The following TAP2 variants were observed in gnomAD, a reference collection of about 807,000 sequenced individuals.
TAP2 encodes the protein transporter 2, ATP binding cassette subfamily B member.
A neutral mutation model predicts 74.7 loss-of-function variants in TAP2; 49 were observed. The ratio of observed to expected loss-of-function variants is 0.66; its 90% CI spans 0.52 to 0.83. The LOEUF (loss-of-function observed/expected upper bound fraction) is 0.83, where lower values mean the gene tolerates loss of function less well. Ranked by LOEUF, TAP2 falls within the 40% of genes least tolerant of loss-of-function variation. The pLI, the probability that TAP2 is intolerant of heterozygous loss-of-function variation, is 0.00. For missense variants in TAP2, 739 were observed against 859.0 expected, an observed-to-expected ratio of 0.86 and a Z score of 1.75; for synonymous variants, 306 against 368.4, an observed-to-expected ratio of 0.83 and a Z score of 1.94.
intron 3 of TAP2, among the ~76,000 whole-genome samples, chr6:32,837,218 G>T (rs766168005): frequency 5.3e-5 from 8 of 152,154 alleles, no homozygotes; most frequent in Non-Finnish European, 1.2e-4. Flanking sequence ...GAGGCAGAAA[G>T]AAATGGAATT....
chr6:32,837,158 G>C (rs1201515189), intron 3 of TAP2, among the ~76,000 whole-genome samples: 2 of 152,160 alleles, frequency 1.3e-5, no homozygotes, highest in East Asian at 1.9e-4. Flanking sequence ...CATCCTGAGG[G>C]AGTGACCCTG....
At chr6:32,829,127 G>A (rs1768868566) in intron 11 of TAP2, 93 bp from the exon 12 acceptor site, 24 of 1,510,860 alleles carry the variant, frequency 1.6e-5, no homozygotes, top group Non-Finnish European at 1.9e-5. Flanking sequence ...GGGTAAAGAA[G>A]GTGTGAAATA....
downstream of TAP2, among the ~76,000 whole-genome samples, chr6:32,823,136 C>T (rs993052786): frequency 2.6e-5 from 4 of 151,842 alleles, no homozygotes; most frequent in African/African-American, 9.7e-5. Context: ...GCCAGGCTGC[C>T]CTCGAAATCC....
rs1209256910 is a variant in TAP2, at chr6:32,827,680, T to C, written c.*1226A>G. On this transcript the variant is annotated 3_prime_UTR_variant, in exon 12 of 12. Coordinates refer to ENST00000374897, the MANE Select transcript of TAP2 (RefSeq NM_001290043.2). ...ACAAAGGTGTTGGGGAAGGCAGAAG[T>C]TTGTCGTGGAGCTGGATACAACAGG... 2.2e-6 allele frequency: 2 copies of C among 925,942 alleles called. No homozygotes were observed. The highest frequency in any genetic ancestry group is 2.6e-6 in the Non-Finnish European group (2 of 776,796). The allele number at this position is 925,942 out of a possible 1,614,324, so 57.4% of individuals were successfully genotyped here.
chr6:32,833,454 A>C (rs1769222037), intron 5 of TAP2, among the ~76,000 whole-genome samples: 1 of 152,236 alleles, frequency 6.6e-6, no homozygotes, highest in Non-Finnish European at 1.5e-5. Flanking sequence ...CTTAAAAAAA[A>C]ATCAGAAAAT....
Position 32,837,916 on chromosome 6 carries a change from G to A in TAP2, c.318C>T (p.Tyr106=), listed in dbSNP as rs1769529799. The A allele has an allele frequency of 1.2e-6, 2 of 1,612,772 alleles. No individual in the cohort carries two copies. The highest frequency in any genetic ancestry group is 1.7e-5 in the Admixed American group (1 of 59,980). Residue 106 remains tyrosine (Y), a synonymous_variant, in exon 2 of 12, where the codon TAC becomes TAT. Coordinates refer to ENST00000374897, the MANE Select transcript of TAP2 (RefSeq NM_001290043.2). ...SAPWSWLLVG[Y]GAAGLSWSLW... is the part of the protein sequence containing the mutation. ...GTGACCAGCTGAGCCCCGCAGCCCC[G>A]TACCCCACCAGCAGCCAGCTCCAAG...
chr6:32,830,257 C>T lies in TAP2; in HGVS notation c.1635+10G>A. 1 of 1,613,114 alleles carries T rather than the reference C, an allele frequency of 6.2e-7. No homozygotes were observed. Among genetic ancestry groups the T allele is most frequent in the Non-Finnish European group, 8.5e-7 (1 of 1,180,016 alleles). ...CTCTCCTGTCCCCTGTCTTCTCCCT[C>T]CTCACCCACCTGGCTGTGCAGGTAG... On this transcript the variant is annotated intron_variant, in intron 9 of 11. Coordinates refer to ENST00000374897, the MANE Select transcript of TAP2 (RefSeq NM_001290043.2).
Position 32,835,179 on chromosome 6 carries a change from T to A in TAP2, c.920A>T (p.Glu307Val). Residue 307 changes from glutamate (E) to valine (V), a missense_variant, in exon 5 of 12, where the codon GAG (glutamate) becomes GTG (valine). Coordinates refer to ENST00000374897, the MANE Select transcript of TAP2 (RefSeq NM_001290043.2). This position sits in a 1 kb window ranked among gnomAD's most constrained non-coding sequence, Gnocchi z 4.0. ...CTGATGGCGGGTGTTGTACACCTTC[T>A]CCGCTGCTATTGTGAAGGGCATGTG... The part of the protein sequence containing the change: ...LLHMPFTIAA[E>V]KVYNTRHQEV... 1.9e-6 allele frequency: 3 copies of A among 1,612,886 alleles called. No individual in the cohort carries two copies. The South Asian group carries it at 3.3e-5, about 18-fold the overall frequency.
chr6:32,832,595 G>A lies in TAP2; in HGVS notation c.1143+32C>T. 2 of 1,612,974 alleles carry A rather than the reference G, an allele frequency of 1.2e-6. No homozygotes were observed. The highest frequency in any genetic ancestry group is 1.7e-6 in the Non-Finnish European group (2 of 1,179,986). On this transcript the variant is annotated intron_variant, in intron 6 of 11. Transcript: ENST00000374897. This position sits in a 1 kb window ranked among gnomAD's most constrained non-coding sequence, Gnocchi z 5.9. ...TCTTCCCTTGCCCTCCCCCTTTCCT[G>A]GGCTCCTTTCACAACCACTCTGGTA...
intron 5 of TAP2, among the ~76,000 whole-genome samples, chr6:32,833,338 A>T (rs1229340740): frequency 6.6e-6 from 1 of 152,096 alleles, no homozygotes; most frequent in Non-Finnish European, 1.5e-5. Flanking sequence ...GCATCAAAGA[A>T]CTCTAGCAAC....
At chr6:32,833,759 C>T (rs1347218915) in intron 5 of TAP2, among the ~76,000 whole-genome samples, 1 of 152,166 alleles carries the variant, frequency 6.6e-6, no homozygotes, top group Non-Finnish European at 1.5e-5. Flanking sequence ...TGTGTCCCTA[C>T]CCATATCTGA....
chr6:32,830,089 C>A lies in TAP2; in HGVS notation c.1636G>T (p.Val546Leu). The change falls in exon 10 of 12, where the codon GTG becomes TTG. Residue 546 changes from valine (V) to leucine (L), a missense_variant and splice_region_variant. Val to Leu is a conservative substitution (Grantham distance 32). Transcript: ENST00000374897. ...QYEHCYLHSQ[V>L]VSVGQEPVLF... Reference sequence around the variant, plus strand: ...ACAGGCTCCTGCCCAACTGAAACCACCTGTGCAGCAGGGACAGGGGCAGAG... The same window carrying A: ...ACAGGCTCCTGCCCAACTGAAACCAACTGTGCAGCAGGGACAGGGGCAGAG... The A allele has an allele frequency of 6.2e-7, 1 of 1,613,050 alleles. No individual in the cohort carries two copies. Among genetic ancestry groups the A allele is most frequent in the Non-Finnish European group, 8.5e-7 (1 of 1,180,030 alleles).
rs745468777 is a variant in TAP2 at position 32,838,221 on chromosome 6, C to G, written c.13G>C (p.Asp5His). The G allele has an allele frequency of 6.4e-7, 1 of 1,574,352 alleles. No individual in the cohort carries two copies. Among genetic ancestry groups the G allele is most frequent in the South Asian group, 1.2e-5 (1 of 85,840 alleles). ...AGCAGGGAGGTCCAGGGTCTCAGGTCAGGGAGCCGCATGGCTCTGTCAACG... is the reference window on the plus strand; with the variant it reads ...AGCAGGGAGGTCCAGGGTCTCAGGTGAGGGAGCCGCATGGCTCTGTCAACG... MRLPDLRPWTSLLLV... is the reference protein window; with the variant it reads MRLPHLRPWTSLLLV... The change falls in exon 2 of 12, where the codon GAC becomes CAC. Residue 5 changes from aspartate (D) to histidine (H), a missense_variant. By Grantham distance (81) the Asp-to-His change is moderately conservative. Transcript: ENST00000374897.
chr6:32,837,749 G>A lies in TAP2; in HGVS notation c.485C>T (p.Ala162Val), dbSNP rs1323742809. ...LVAAFFFLVL[A>V]VLGETLIPHY... is the part of the protein sequence containing the mutation. ...GTCCTCTCCTGACTCACCCAAAACA[G>A]CAAGGACAAGGAAGAAGAAGGCGGC... The change falls in exon 2 of 12, where the codon GCT (alanine) becomes GTT (valine). Residue 162 changes from alanine to valine, a missense_variant. Physicochemically the swap from Ala to Val is moderately conservative, Grantham distance 64. Transcript: ENST00000374897. The A allele has an allele frequency of 1.2e-6, 2 of 1,614,172 alleles. No homozygotes were observed. The highest frequency in any genetic ancestry group is 1.1e-5 in the South Asian group (1 of 91,086).
In TAP2 at chr6:32,837,706, C is replaced by A. The variant is rs748167014; in HGVS notation, c.493+35G>T. The A allele has an allele frequency of 3.1e-6, 5 of 1,614,174 alleles. No homozygotes were observed. The South Asian group carries it at 5.5e-5, about 18-fold the overall frequency. On this transcript the variant is annotated intron_variant, in intron 2 of 11. Coordinates refer to ENST00000374897, the MANE Select transcript of TAP2 (RefSeq NM_001290043.2). ...ATGTGCTGGTGCCCAGGCCCTTTTACCACCTCCAACTCACAACGTCCTCTC... is the reference window on the plus strand; with the variant it reads ...ATGTGCTGGTGCCCAGGCCCTTTTAACACCTCCAACTCACAACGTCCTCTC...
chr6:32,835,861 G>A lies in TAP2; in HGVS notation c.609-88C>T. 3 of 1,574,144 alleles carry A rather than the reference G, an allele frequency of 1.9e-6. No homozygotes were observed. Among genetic ancestry groups the A allele is most frequent in the Non-Finnish European group, 2.6e-6 (3 of 1,146,714 alleles). On this transcript the variant is annotated intron_variant, in intron 3 of 11. Transcript: ENST00000374897. The surrounding 1 kb of genome is among the most constrained non-coding windows in gnomAD (Gnocchi z 4.0). ...CAGAGGAGCAAGCCAGGAGTGCAGA[G>A]AAGCGCAAAGTCAGGGGAAAGCATG... is the stretch of plus-strand genomic sequence containing the variant.
chr6:32,824,534 C>T (rs1768512757), downstream of TAP2, among the ~76,000 whole-genome samples: 1 of 152,070 alleles, frequency 6.6e-6, no homozygotes, highest in Non-Finnish European at 1.5e-5. Flanking sequence ...GATCACTGTG[C>T]TATTTACATT....
At chr6:32,829,293 T>C in intron 11 of TAP2, 107 bp downstream of exon 11, 1 of 1,514,378 alleles carries the variant, frequency 6.6e-7, no homozygotes, top group Non-Finnish European at 8.9e-7. Flanking sequence ...ACAGACTGTT[T>C]CCACTAGTAG....
chr6:32,822,416 C>A, downstream of TAP2: 1 of 792,592 alleles, frequency 1.3e-6, no homozygotes, highest in Non-Finnish European at 2.0e-6. Flanking sequence ...ATTTTTGTGT[C>A]AGTATAATAA....
Sources: gnomAD v4.1 joint callset for allele counts (sites outside exome capture counted in the v4.1 genomes callset) on GRCh38, gnomAD v4.1.1 for gene constraint, Gnocchi (gnomAD v3.1) non-coding constraint, MANE v1.5 for transcripts, NCBI Gene and HGNC (gene_info 2026-07-23, HGNC 2026-07-21) for gene names.